CUL2: variants seen among roughly 807,000 people sequenced by gnomAD.
CUL2 encodes cullin 2.
Under a neutral mutation model 110.2 loss-of-function variants are expected in CUL2, and 22 were observed. The observed-to-expected ratio is 0.20, with a 90% CI of 0.14 to 0.28. The LOEUF (loss-of-function observed/expected upper bound fraction) is 0.28. Among genes scored for constraint, CUL2 ranks in the 10% least tolerant of loss-of-function variants. CUL2 has a pLI of 1.00. For missense variants in CUL2, 631 were observed against 905.5 expected (o/e 0.70, Z 3.89); for synonymous variants, 279 against 293.2 (o/e 0.95, Z 0.49).
At chr10:35,044,899 G>A in intron 6 of CUL2, 31 bp from the exon 7 acceptor site, 1 of 1,518,882 alleles carries the variant, frequency 6.6e-7, no homozygotes, top group Non-Finnish European at 9.1e-7. Context: ...AAATATTCTT[G>A]AGAATACAAA....
chr10:35,029,690 T>A, intron 14 of CUL2, 50 bp from the exon 15 acceptor site: 1 of 1,349,102 alleles, frequency 7.4e-7, no homozygotes, highest in Non-Finnish European at 1.0e-6. Flanking sequence ...AAATAATAAG[T>A]CATATTGGTT....
chr10:35,040,952 C>A (rs2085771401), intron 8 of CUL2, among the ~76,000 whole-genome samples: 1 of 152,156 alleles, frequency 6.6e-6, no homozygotes, highest in South Asian at 2.1e-4. Context: ...TGGCTGCTCA[C>A]TCCCTGCTGT....
chr10:35,010,708 TCAAA>T (rs1449383827), intron 20 of CUL2, among the ~76,000 whole-genome samples: 1 of 152,228 alleles, frequency 6.6e-6, no homozygotes, highest in Admixed American at 6.5e-5. Flanking sequence ...AGCTCTTAGT[TCAAA>T]CACTTTCTCA....
At chr10:35,054,767 C>T (rs937392588) in intron 4 of CUL2, among the ~76,000 whole-genome samples, 1 of 152,160 alleles carries the variant, frequency 6.6e-6, no homozygotes, top group African/African-American at 2.4e-5. Flanking sequence ...CCCAACAGCT[C>T]TTATCCAAGT....
At chr10:35,074,281 T>C (rs994763829) in intron 1 of CUL2, 18 of 1,270,110 alleles carry the variant, frequency 1.4e-5, no homozygotes, top group Non-Finnish European at 4.4e-6. Context: ...TGGGCTCAAC[T>C]GCAACATGGC....
intron 1 of CUL2, among the ~76,000 whole-genome samples, chr10:35,103,009 T>G (rs2087404351): frequency 6.6e-6 from 1 of 152,212 alleles, no homozygotes; most frequent in African/African-American, 2.4e-5. Flanking sequence ...AAGGGCTAGT[T>G]ATAACATTAG....
At chr10:35,040,590 A>T (rs77212639) in intron 8 of CUL2, among the ~76,000 whole-genome samples, 1 of 152,102 alleles carries the variant, frequency 6.6e-6, no homozygotes, top group Non-Finnish European at 1.5e-5. Flanking sequence ...TGTCTTTCCT[A>T]TTGTGCGACC....
At chr10:35,060,807 T>G in intron 4 of CUL2, 67 bp downstream of exon 4, 1 of 1,272,062 alleles carries the variant, frequency 7.9e-7, no homozygotes, top group South Asian at 1.3e-5. Context: ...AATAAAAAAA[T>G]TATCCTGTCA....
At chr10:35,082,272 C>T (rs1353104107) in intron 1 of CUL2, among the ~76,000 whole-genome samples, 2 of 152,130 alleles carry the variant, frequency 1.3e-5, no homozygotes, top group Admixed American at 6.5e-5. Context: ...GAAGATATTA[C>T]GCTAAGTCAA....
intron 17 of CUL2, among the ~76,000 whole-genome samples, chr10:35,018,763 CA>C (rs35275515): frequency 1.1e-4 from 13 of 117,398 alleles, no homozygotes; most frequent in Non-Finnish European, 1.0e-4. Context: ...AACTCCGTCT[CA>C]AAAAAAAAAA....
At chr10:35,117,391 T>C (rs2087621718) in intron 1 of CUL2, among the ~76,000 whole-genome samples, 2 of 152,258 alleles carry the variant, frequency 1.3e-5, no homozygotes, top group African/African-American at 4.8e-5. Flanking sequence ...AGTGCCACCA[T>C]GCCTGGCATT....
intron 1 of CUL2, among the ~76,000 whole-genome samples, chr10:35,086,474 GAC>G (rs2087068018): frequency 6.6e-6 from 1 of 151,886 alleles, no homozygotes; most frequent in South Asian, 2.1e-4. Flanking sequence ...TTTTTGTACA[GAC>G]AGGGTTCGCC....
At chr10:35,089,051 A>C (rs966611506) in intron 1 of CUL2, among the ~76,000 whole-genome samples, 3 of 152,132 alleles carry the variant, frequency 2.0e-5, no homozygotes, top group Non-Finnish European at 4.4e-5. Context: ...GGCGCATGCC[A>C]GTAATCCCAG....
intron 1 of CUL2, among the ~76,000 whole-genome samples, chr10:35,112,948 C>A (rs892771720): frequency 4.0e-5 from 6 of 151,356 alleles, no homozygotes; most frequent in African/African-American, 1.5e-4. Flanking sequence ...AATCCCAGTA[C>A]TTTGGGAGGC....
chr10:35,111,917 C>G (rs961016753), intron 1 of CUL2, among the ~76,000 whole-genome samples: 1 of 152,184 alleles, frequency 6.6e-6, no homozygotes, highest in Non-Finnish European at 1.5e-5. Flanking sequence ...GATTCAATTC[C>G]TACACAGCAC....
chr10:35,032,554 C>A, intron 11 of CUL2, 60 bp from the exon 12 acceptor site: 1 of 1,309,634 alleles, frequency 7.6e-7, no homozygotes, highest in Non-Finnish European at 1.1e-6. Flanking sequence ...ACAGCTAGTT[C>A]AATATAAGCC....
At chr10:35,111,803 T>A (rs187137481) in intron 1 of CUL2, among the ~76,000 whole-genome samples, 2 of 152,248 alleles carry the variant, frequency 1.3e-5, no homozygotes, top group African/African-American at 4.8e-5. Context: ...GGCAGGAGAA[T>A]CACTTGACTC....
At position 35,032,460 on chromosome 10, in the gene CUL2, T is replaced by A. The variant is rs779071382; in HGVS notation, c.1145A>T (p.Lys382Met). The A allele has an allele frequency of 3.8e-6, 6 of 1,591,682 alleles. No homozygotes were observed. The highest frequency in any genetic ancestry group is 4.3e-6 in the Non-Finnish European group (5 of 1,173,340). The change falls in exon 12 of 21, where the codon AAG becomes ATG. Residue 382 changes from lysine to methionine, a missense_variant. Around this residue, in one of 3 missense-constraint regions of CUL2, gnomAD observed 134 missense variants for 260.4 expected, o/e 0.51. Transcript: ENST00000374749. ...CAGTTCAGGTGCTTTGCAAACAGAC[T>A]TAGGTTCTCTGTAATTTACAACTGA... is the stretch of plus-strand genomic sequence containing the variant. ...LTSVVNYREP[K>M]SVCKAPELLA...
At chr10:35,114,671 G>A (rs1406905583) in intron 1 of CUL2, among the ~76,000 whole-genome samples, 3 of 151,998 alleles carry the variant, frequency 2.0e-5, no homozygotes, top group African/African-American at 2.4e-5. Flanking sequence ...ATGAGCCACC[G>A]CGCCTGGCCC....
Sources: gnomAD v4.1 joint callset for allele counts (sites outside exome capture counted in the v4.1 genomes callset) on GRCh38, gnomAD v4.1.1 for gene constraint, gnomAD v4.1.1 regional missense constraint, MANE v1.5 for transcripts, NCBI Gene and HGNC (gene_info 2026-07-23, HGNC 2026-07-21) for gene names.